Variants in CCDC30 observed in about 807,000 individuals in gnomAD.
CCDC30 encodes coiled-coil domain containing 30, also known as coiled-coil domain-containing protein 30.
A neutral mutation model predicts 100.2 loss-of-function variants in CCDC30; 70 were observed. The ratio of observed to expected loss-of-function variants is 0.70; its 90% CI spans 0.58 to 0.85. The LOEUF is 0.85. CCDC30 is among the 40% of genes least tolerant of loss of function. The probability of loss-of-function intolerance (pLI) is 0.00; values close to 1 mark genes in which losing one functional copy is unlikely to be tolerated. For missense variants in CCDC30, 652 were observed against 771.2 expected, an observed-to-expected ratio of 0.85 and a Z score of 1.83; for synonymous variants, 233 against 269.5, an observed-to-expected ratio of 0.86 and a Z score of 1.33.
rs71065186 is a variant in CCDC30, at chr1:42,575,649, C to CAAAAAAAA, written c.637-1369_637-1362dup. Reference sequence around the variant, plus strand: ...TGGGCGACAGAGAGAGACCCTGTCTCAAAAAAAAAGAAGCAAACAAACAAA... The same window carrying CAAAAAAAA: ...TGGGCGACAGAGAGAGACCCTGTCTCAAAAAAAAAAAAAAAAAGAAGCAAACAAACAAA... On this transcript the variant is annotated intron_variant, in intron 7 of 16. Transcript: ENST00000668663. 1.2e-4 allele frequency among the ~76,000 whole-genome samples: 9 copies of CAAAAAAAA among 76,950 alleles called. 1 individual carries two copies. Among genetic ancestry groups the CAAAAAAAA allele is most frequent in the East Asian group, 5.3e-4 (1 of 1,904 alleles). 50.5% of individuals were successfully genotyped at this position (76,950 alleles called of 152,430 possible).
chr1:42,600,203 AAC>A (rs1201396565), intron 10 of CCDC30, among the ~76,000 whole-genome samples: 1 of 152,164 alleles, frequency 6.6e-6, no homozygotes, highest in Non-Finnish European at 1.5e-5. Context: ...GATAAAGAGG[AAC>A]ATTATTTAAT....
intron 1 of CCDC30, chr1:42,473,199 A>G (rs1265518028): frequency 7.8e-5 from 96 of 1,231,216 alleles, no homozygotes; most frequent in Non-Finnish European, 9.5e-5. Context: ...CAGAAGAACA[A>G]CTCTGTTTGG....
chr1:42,646,293 G>C, exon 15 of CCDC30: 1 of 1,543,332 alleles, frequency 6.5e-7, no homozygotes, highest in Non-Finnish European at 8.7e-7. Flanking sequence ...AGGCCACAGA[G>C]AAGTGGAAAC....
intron 15 of CCDC30, among the ~76,000 whole-genome samples, chr1:42,646,846 T>TAA (rs1159725105): frequency 6.6e-6 from 1 of 152,090 alleles, no homozygotes. Context: ...TTCATGCCTG[T>TAA]AATCCACTTT....
At chr1:42,495,370 A>C (rs200970134) in intron 4 of CCDC30, among the ~76,000 whole-genome samples, 1 of 151,358 alleles carries the variant, frequency 6.6e-6, no homozygotes, top group South Asian at 2.1e-4. Flanking sequence ...GTGGGGAGAG[A>C]GGGGAGGGAT....
chr1:42,648,198 C>T (rs1012720089), intron 15 of CCDC30, among the ~76,000 whole-genome samples: 1 of 152,056 alleles, frequency 6.6e-6, no homozygotes, highest in Admixed American at 6.6e-5. Flanking sequence ...CCTCAGCCTC[C>T]GAAAGTGCTG....
Position 42,536,396 on chromosome 1 carries a change from T to G in CCDC30, c.457-29900T>G, listed in dbSNP as rs1644905135. 8 of 856,234 alleles carry G rather than the reference T, an allele frequency of 9.3e-6. No homozygotes were observed. In the South Asian group the frequency reaches 1.7e-4, roughly 18 times the overall value. 53.0% of individuals were successfully genotyped at this position (856,234 alleles called of 1,614,324 possible). ...TCCCCTGGATGATTTCATTATTGAG[T>G]TAGAAAGTTGTTATTATCAGAATTT... On this transcript the variant is annotated intron_variant, in intron 6 of 16. Coordinates refer to ENST00000668663, the Ensembl canonical transcript of CCDC30.
chr1:42,566,275 C>T, intron 6 of CCDC30, 21 bp from the exon 11 acceptor site: 1 of 1,592,832 alleles, frequency 6.3e-7, no homozygotes, highest in East Asian at 2.2e-5. Context: ...CTGTGTTTCT[C>T]TTTTAAAATG....
intron 6 of CCDC30, among the ~76,000 whole-genome samples, chr1:42,551,610 ATAT>A (rs1280012866): frequency 6.6e-6 from 1 of 152,100 alleles, no homozygotes; most frequent in Non-Finnish European, 1.5e-5. Flanking sequence ...GCAATACATA[ATAT>A]TATTATTATG....
rs375619741 is a variant in CCDC30, at chr1:42,600,106, A to T, written c.1164+10623A>T. ...CCCCATGATCCAATCACCTTCCACCAGGCCCCACCTTCAACACTCGGGATC... is the reference window on the plus strand; with the variant it reads ...CCCCATGATCCAATCACCTTCCACCTGGCCCCACCTTCAACACTCGGGATC... On this transcript the variant is annotated intron_variant, in intron 10 of 16. Coordinates refer to ENST00000668663, the Ensembl canonical transcript of CCDC30. Among the ~76,000 whole-genome samples the T allele has an allele frequency of 3.3e-5, 5 of 152,300 alleles. No homozygotes were observed. The East Asian group carries it at 9.7e-4, about 29-fold the overall frequency.
chr1:42,536,459 T>C lies in CCDC30; in HGVS notation c.457-29837T>C. ...GCTATTATATATAAAATTAATTATG[T>C]AAAATGCTTTTTACAGATCCTGAAA... is the stretch of plus-strand genomic sequence containing the variant. On this transcript the variant is annotated intron_variant, in intron 6 of 16. Coordinates refer to ENST00000668663, the Ensembl canonical transcript of CCDC30. 6.6e-7 allele frequency: 1 copy of C among 1,515,662 alleles called. No homozygotes were observed. The highest frequency in any genetic ancestry group is 1.2e-5 in the South Asian group (1 of 83,312). 93.9% of individuals were successfully genotyped at this position (1,515,662 alleles called of 1,614,324 possible).
chr1:42,571,070 G>T (rs1445008034), intron 7 of CCDC30: 2 of 152,246 alleles, frequency 1.3e-5, no homozygotes, highest in African/African-American at 2.4e-5. Flanking sequence ...GTTTGCCCCA[G>T]TGTTGTCTTA....
chr1:42,626,181 T>C (rs1646930078), intron 11 of CCDC30, among the ~76,000 whole-genome samples: 1 of 152,224 alleles, frequency 6.6e-6, no homozygotes, highest in South Asian at 2.1e-4. Flanking sequence ...ACTTCTGCTC[T>C]TTTTTGGTTT....
At chr1:42,651,549 A>G (rs1048912322) in intron 15 of CCDC30, among the ~76,000 whole-genome samples, 5 of 152,152 alleles carry the variant, frequency 3.3e-5, no homozygotes, top group Non-Finnish European at 7.4e-5. Flanking sequence ...CACACCTGTC[A>G]AAATGACTGT....
chr1:42,519,967 C>T (rs1327555294), intron 6 of CCDC30, among the ~76,000 whole-genome samples: 1 of 152,154 alleles, frequency 6.6e-6, no homozygotes, highest in Non-Finnish European at 1.5e-5. Context: ...GTAATGCCCT[C>T]ACTTCCTAAT....
chr1:42,522,449 T>C (rs1158315832), intron 6 of CCDC30, among the ~76,000 whole-genome samples: 5 of 152,222 alleles, frequency 3.3e-5, no homozygotes, highest in Admixed American at 6.5e-5. Flanking sequence ...CTTTTATGTT[T>C]AGTTGACTTT....
At chr1:42,581,685 A>G (rs759613779) in intron 9 of CCDC30, among the ~76,000 whole-genome samples, 171 bp downstream of exon 13, 6 of 152,206 alleles carry the variant, frequency 3.9e-5, no homozygotes, top group Non-Finnish European at 5.9e-5. Context: ...CTGTATTCTA[A>G]TTGTTTATTT....
At chr1:42,577,071 A>T (rs909078897) in exon 8 of CCDC30, 1 of 1,614,048 alleles carries the variant, frequency 6.2e-7, no homozygotes, top group Non-Finnish European at 8.5e-7. Flanking sequence ...CAGCACAAAG[A>T]TGTGCTCTTC....
At position 42,536,605 on chromosome 1, in the gene CCDC30, T is replaced by C; in HGVS notation, c.457-29691T>C. Reference sequence around the variant, plus strand: ...GGCCTTGAAAGTTGAAAGTGAGGTATTACCATTCAGGAAGCTGTTTTCTTC... The same window carrying C: ...GGCCTTGAAAGTTGAAAGTGAGGTACTACCATTCAGGAAGCTGTTTTCTTC... On this transcript the variant is annotated intron_variant, in intron 6 of 16. Transcript: ENST00000668663. The C allele has an allele frequency of 6.5e-7, 1 of 1,536,758 alleles. No individual in the cohort carries two copies. The highest frequency in any genetic ancestry group is 9.0e-7 in the Non-Finnish European group (1 of 1,115,956).
Sources: allele counts gnomAD v4.1 joint callset (sites outside exome capture counted in the v4.1 genomes callset), GRCh38; gene constraint gnomAD v4.1.1; transcripts MANE v1.5; gene names NCBI Gene and HGNC (gene_info 2026-07-23, HGNC 2026-07-21).